The following TMC5 variants were observed in gnomAD, a reference collection of about 807,000 sequenced individuals.
TMC5 encodes the protein transmembrane channel-like protein 5.
In TMC5, 86 loss-of-function variants were observed where a neutral mutation model predicts 110.5. That is an observed-to-expected ratio of 0.78 (90% CI 0.65 to 0.93). The LOEUF (loss-of-function observed/expected upper bound fraction) is 0.93. Ranked by LOEUF, TMC5 falls within the 40% of genes least tolerant of loss-of-function variation. The pLI, the probability that TMC5 is intolerant of heterozygous loss-of-function variation, is 0.00. For missense variants in TMC5, 1,144 were observed against 1,222.8 expected, an observed-to-expected ratio of 0.94 and a Z score of 0.96; for synonymous variants, 455 against 439.5, an observed-to-expected ratio of 1.04 and a Z score of -0.44.
chr16:19,462,693 A>T, intron 6 of TMC5: 1 of 540,912 alleles, frequency 1.8e-6, no homozygotes, highest in East Asian at 3.3e-5. Context: ...TGAGGTCAGG[A>T]GTTCAAGACC....
intron 9 of TMC5, 39 bp downstream of exon 9, chr16:19,466,272 G>A (rs1968187514): frequency 1.9e-6 from 3 of 1,604,652 alleles, no homozygotes; most frequent in Admixed American, 3.4e-5. Context: ...TGAGGGTCAT[G>A]TTAGATTTCA....
chr16:19,460,925 G>C (rs1282723728), intron 6 of TMC5, among the ~76,000 whole-genome samples: 2 of 151,988 alleles, frequency 1.3e-5, no homozygotes, highest in Admixed American at 6.6e-5. Context: ...GGAGGCCAAG[G>C]TGGTGGGATT....
chr16:19,444,337 A>G, intron 4 of TMC5, 87 bp downstream of exon 4: 2 of 1,212,530 alleles, frequency 1.6e-6, no homozygotes, highest in South Asian at 1.5e-5. Flanking sequence ...AGACTTGGCA[A>G]TAGGAGAATT....
intron 2 of TMC5, among the ~76,000 whole-genome samples, chr16:19,433,739 T>C (rs1275852839): frequency 6.6e-6 from 1 of 151,974 alleles, no homozygotes; most frequent in Non-Finnish European, 1.5e-5. Context: ...AAAATTTAGT[T>C]CTCAGTTACA....
chr16:19,479,486 T>C lies in TMC5; in HGVS notation c.2225T>C (p.Val742Ala). 6.2e-7 allele frequency: 1 copy of C among 1,614,130 alleles called. No individual in the cohort carries two copies. The highest frequency in any genetic ancestry group is 8.5e-7 in the Non-Finnish European group (1 of 1,179,994). ...TACCGGCTCCTTCTGATGGATTTTG[T>C]GTTCTCTTTAGTCAATTCCTTCCTG... ...DIYRLLLMDF[V>A]FSLVNSFLGE... Residue 742 changes from valine (V) to alanine (A), a missense_variant, in exon 14 of 22, where the codon GTG becomes GCG. By Grantham distance (64) the Val-to-Ala change is moderately conservative. Coordinates refer to ENST00000542583, the MANE Select transcript of TMC5 (RefSeq NM_001261841.2).
At chr16:19,490,818 CCT>C (rs1567327820) in intron 18 of TMC5, among the ~76,000 whole-genome samples, 1 of 143,210 alleles carries the variant, frequency 7.0e-6, no homozygotes, top group Non-Finnish European at 1.5e-5. Context: ...TCTCTTTCTC[CCT>C]TTCTCCCTTC....
intron 12 of TMC5, among the ~76,000 whole-genome samples, chr16:19,474,581 G>A (rs1013224120): frequency 4.6e-5 from 7 of 152,130 alleles, no homozygotes; most frequent in African/African-American, 1.7e-4. Context: ...GGAGGCTGAG[G>A]TGAGAGGATC....
intron 20 of TMC5, among the ~76,000 whole-genome samples, chr16:19,496,498 A>G (rs995209445): frequency 1.3e-5 from 2 of 152,290 alleles, no homozygotes; most frequent in Admixed American, 1.3e-4. Context: ...CTAGAGGCCT[A>G]AAGGTAGATT....
At position 19,457,709 on chromosome 16, in the gene TMC5, C is replaced by CTTTTTTTTTTTTTTTTTTTT. The variant is rs573979829; in HGVS notation, c.1049-2511_1049-2492dup. ...TCTATCTGATTCCCAAGACTACATTCTTTTTTTTTTTTTTTTTTTTTTTTT... is the reference window on the plus strand; with the variant it reads ...TCTATCTGATTCCCAAGACTACATTCTTTTTTTTTTTTTTTTTTTTTTTTTTTTTTTTTTTTTTTTTTTTT... On this transcript the variant is annotated intron_variant, in intron 5 of 21. Coordinates refer to ENST00000542583, the MANE Select transcript of TMC5 (RefSeq NM_001261841.2). Among the ~76,000 whole-genome samples the CTTTTTTTTTTTTTTTTTTTT allele has an allele frequency of 5.2e-4, 23 of 43,926 alleles. 8 individuals carry two copies. Among genetic ancestry groups the CTTTTTTTTTTTTTTTTTTTT allele is most frequent in the Non-Finnish European group, 1.1e-3 (21 of 18,948 alleles). The allele number at this position is 43,926 out of a possible 152,430, so 28.8% of individuals were successfully genotyped here. A position where few individuals can be genotyped will look rare whatever the true frequency, so the allele number is the denominator to read the frequency against.
At chr16:19,467,325 C>T (rs1211520318) in intron 9 of TMC5, among the ~76,000 whole-genome samples, 1 of 152,094 alleles carries the variant, frequency 6.6e-6, no homozygotes, top group Non-Finnish European at 1.5e-5. Flanking sequence ...TGAGGCCTCT[C>T]TCCTTGGCTT....
At position 19,487,174 on chromosome 16, in the gene TMC5, G is replaced by A; in HGVS notation, c.2440-19G>A. ...CTGCTCCGGCTGCAGATGGGAGGTG[G>A]CTGCCTCTCTCTCTTCAGATCAGCC... On this transcript the variant is annotated intron_variant, in intron 16 of 21. Transcript: ENST00000542583. The A allele has an allele frequency of 6.2e-7, 1 of 1,606,680 alleles. No homozygotes were observed. The highest frequency in any genetic ancestry group is 8.5e-7 in the Non-Finnish European group (1 of 1,175,892).
At chr16:19,471,079 C>T (rs2143637861) in intron 10 of TMC5, among the ~76,000 whole-genome samples, 1 of 148,648 alleles carries the variant, frequency 6.7e-6, no homozygotes, top group African/African-American at 2.5e-5. Flanking sequence ...AATAAAGGGG[C>T]TTTAAATTTT....
rs867383871 is a variant in TMC5 at position 19,449,271 on chromosome 16, C to A, written c.959-271C>A. Among the ~76,000 whole-genome samples, 7 of 152,272 alleles carry A rather than the reference C, an allele frequency of 4.6e-5. No individual in the cohort carries two copies. In the South Asian group the frequency reaches 6.2e-4, roughly 14 times the overall value. On this transcript the variant is annotated intron_variant, in intron 4 of 21. Coordinates refer to ENST00000542583, the MANE Select transcript of TMC5 (RefSeq NM_001261841.2). ...AAAGCACTGGGATTACAGGCGTGAG[C>A]TACCTCACCTTGCCAACAATTATTT...
At chr16:19,473,579 G>T (rs1040860315) in intron 11 of TMC5, among the ~76,000 whole-genome samples, 2 of 152,098 alleles carry the variant, frequency 1.3e-5, no homozygotes, top group African/African-American at 4.8e-5. Flanking sequence ...ACACACCTAG[G>T]CTCCAATCTG....
intron 17 of TMC5, among the ~76,000 whole-genome samples, chr16:19,489,375 T>A (rs1298677273): frequency 6.6e-6 from 1 of 152,046 alleles, no homozygotes; most frequent in African/African-American, 2.4e-5. Context: ...CACTCTGTCA[T>A]CCAGGCTGGA....
intron 6 of TMC5, chr16:19,462,455 G>A: frequency 1.4e-6 from 1 of 696,838 alleles, no homozygotes; most frequent in Non-Finnish European, 2.6e-6. Flanking sequence ...CTTGAGACTG[G>A]GTGATTTATA....
At chr16:19,433,666 TAGTG>T (rs137867359) in intron 2 of TMC5, among the ~76,000 whole-genome samples, 4,081 of 152,132 alleles carry the variant, frequency 0.027, 180 homozygotes, top group African/African-American at 0.092. Context: ...TTGCCACACA[TAGTG>T]AGTATTAGAT....
chr16:19,436,146 C>T (rs1329125456), intron 2 of TMC5, among the ~76,000 whole-genome samples: 1 of 151,760 alleles, frequency 6.6e-6, no homozygotes, highest in Non-Finnish European at 1.5e-5. Context: ...CCTGTAATCC[C>T]AGCTCCTCGG....
chr16:19,469,748 A>G lies in TMC5; in HGVS notation c.1705A>G (p.Ile569Val), dbSNP rs776576990. 1 of 1,614,174 alleles carries G rather than the reference A, an allele frequency of 6.2e-7. No individual in the cohort carries two copies. The highest frequency in any genetic ancestry group is 8.5e-7 in the Non-Finnish European group (1 of 1,180,008). The change falls in exon 10 of 22, where the codon ATC (isoleucine) becomes GTC (valine). Residue 569 changes from isoleucine (I) to valine (V), a missense_variant. Transcript: ENST00000542583. ...HIYSGGITKL[I>V]FCWDFTVTHE... ...TTACTCCGGAGGGATCACCAAGCTG[A>G]TCTTTTGCTGGGACTTCACTGTCAC...
Sources: gnomAD v4.1 joint callset for allele counts (sites outside exome capture counted in the v4.1 genomes callset) on GRCh38, gnomAD v4.1.1 for gene constraint, MANE v1.5 for transcripts, NCBI Gene and HGNC (gene_info 2026-07-23, HGNC 2026-07-21) for gene names.